The following UNK variants were observed in gnomAD, a reference collection of about 807,000 sequenced individuals.
UNK encodes RING finger protein unkempt homolog.
A neutral mutation model predicts 97.6 loss-of-function variants in UNK; 32 were observed. The ratio of observed to expected loss-of-function variants is 0.33; its 90% CI spans 0.25 to 0.44. The LOEUF is 0.44. UNK is among the 20% of genes least tolerant of loss of function. The probability of loss-of-function intolerance (pLI) is 1.00; values close to 1 mark genes in which losing one functional copy is unlikely to be tolerated. For synonymous variants in UNK, 441 were observed against 461.2 expected (o/e 0.96, Z 0.56); for missense variants, 771 against 1,098.4 (o/e 0.70, Z 4.21).
At chr17:75,785,203 G>T in intron 1 of UNK, 3 of 506,188 alleles carry the variant, frequency 5.9e-6, no homozygotes, top group Non-Finnish European at 3.4e-6. Flanking sequence ...GGTCCCGGCC[G>T]CCGAGTGGGG....
In UNK at chr17:75,819,336, G is replaced by A. The variant is rs1295974641; in HGVS notation, c.1547-348G>A. 1 of 344,284 alleles carries A rather than the reference G, an allele frequency of 2.9e-6. No individual in the cohort carries two copies. Among genetic ancestry groups the A allele is most frequent in the African/African-American group, 2.1e-5 (1 of 47,250 alleles). 21.3% of individuals were successfully genotyped at this position (344,284 alleles called of 1,614,324 possible). ...CTATACACCAGCCACTGAGTGCCCAGAGACCCGCCCACCCCCACTGATCCC... is the reference window on the plus strand; with the variant it reads ...CTATACACCAGCCACTGAGTGCCCAAAGACCCGCCCACCCCCACTGATCCC... On this transcript the variant is annotated intron_variant, in intron 11 of 15. Transcript: ENST00000589666. This position sits in a 1 kb window ranked among gnomAD's most constrained non-coding sequence, Gnocchi z 5.4.
In UNK at chr17:75,818,912, C is replaced by T; in HGVS notation, c.1546+96C>T. On this transcript the variant is annotated intron_variant, in intron 11 of 15. Transcript: ENST00000589666. This position sits in a 1 kb window ranked among gnomAD's most constrained non-coding sequence, Gnocchi z 5.1. The stretch of plus-strand genomic sequence containing the variant: ...GAGTCTCAAATCAGCACACCAGACC[C>T]CTTAGACATCTGTCTTCGGAAAATC... The T allele has an allele frequency of 7.4e-7, 1 of 1,351,668 alleles. No individual in the cohort carries two copies. Among genetic ancestry groups the T allele is most frequent in the Non-Finnish European group, 9.8e-7 (1 of 1,022,254 alleles). The allele number at this position is 1,351,668 out of a possible 1,614,324, so 83.7% of individuals were successfully genotyped here. A position where few individuals can be genotyped will look rare whatever the true frequency, so the allele number is the denominator to read the frequency against.
chr17:75,791,242 G>A (rs1365330600), intron 1 of UNK, among the ~76,000 whole-genome samples: 1 of 152,126 alleles, frequency 6.6e-6, no homozygotes, highest in East Asian at 1.9e-4. Flanking sequence ...TTTAAATTTA[G>A]GACTGGTTTC....
intron 14 of UNK, 36 bp from the exon 15 acceptor site, chr17:75,823,229 G>A (rs2062085248): frequency 1.9e-6 from 3 of 1,558,312 alleles, no homozygotes; most frequent in African/African-American, 1.4e-5. Context: ...GGGCAGGGCA[G>A]GGCCATTGTG....
intron 2 of UNK, among the ~76,000 whole-genome samples, chr17:75,811,017 A>G (rs2061964397): frequency 6.6e-6 from 1 of 151,096 alleles, no homozygotes; most frequent in African/African-American, 2.4e-5. Context: ...TGGCACTTCC[A>G]TGTCGGCTCA....
chr17:75,823,706 A>G (rs1167141086), intron 15 of UNK, among the ~76,000 whole-genome samples, 184 bp downstream of exon 15: 1 of 152,152 alleles, frequency 6.6e-6, no homozygotes, highest in Non-Finnish European at 1.5e-5. Flanking sequence ...GGGGAAGGTG[A>G]AAAGGCTGGG....
chr17:75,784,863 A>C lies in UNK; in HGVS notation c.-18A>C, dbSNP rs374237499. On this transcript the variant is annotated 5_prime_UTR_variant, in exon 1 of 16. Coordinates refer to ENST00000589666, the MANE Select transcript of UNK (RefSeq NM_001080419.3). The stretch of plus-strand genomic sequence containing the variant: ...GAATAATAAAAGGGGAGCGGCGAAG[A>C]GGCAGGAAGACAAGACCATGTCGAA... 1 of 1,602,720 alleles carries C rather than the reference A, an allele frequency of 6.2e-7. No homozygotes were observed. Among genetic ancestry groups the C allele is most frequent in the African/African-American group, 1.3e-5 (1 of 74,558 alleles).
chr17:75,818,010 C>T lies in UNK; in HGVS notation c.1306-93C>T. 7.8e-7 allele frequency: 1 copy of T among 1,286,980 alleles called. No homozygotes were observed. Among genetic ancestry groups the T allele is most frequent in the South Asian group, 1.2e-5 (1 of 82,662 alleles). 79.7% of individuals were successfully genotyped at this position (1,286,980 alleles called of 1,614,324 possible). A position where few individuals can be genotyped will look rare whatever the true frequency, so the allele number is the denominator to read the frequency against. On this transcript the variant is annotated intron_variant, in intron 9 of 15. Transcript: ENST00000589666. This position sits in a 1 kb window ranked among gnomAD's most constrained non-coding sequence, Gnocchi z 5.1. ...TGAAGAGGGGTTGCATGTCTGCCAC[C>T]ACCTGCCCCCTGGTACCTGCAGCCT...
At chr17:75,809,099 C>G (rs1012179635) in intron 1 of UNK, 2 of 820 alleles carry the variant, frequency 2.4e-3, no homozygotes, top group Non-Finnish European at 3.1e-3. Context: ...GGGGCGGGGG[C>G]GGGGGCGGGG....
chr17:75,822,971 C>T (rs1170847603), intron 14 of UNK, among the ~76,000 whole-genome samples: 1 of 152,170 alleles, frequency 6.6e-6, no homozygotes, highest in Admixed American at 6.5e-5. Context: ...TGAAATGGGC[C>T]CCCTGTCCAG....
chr17:75,786,630 G>A (rs1035609153), intron 1 of UNK, among the ~76,000 whole-genome samples: 1 of 152,108 alleles, frequency 6.6e-6, no homozygotes, highest in African/African-American at 2.4e-5. Context: ...AGGCCGAGGC[G>A]GATCGCATGA....
At chr17:75,807,057 A>G (rs1161337038) in intron 1 of UNK, among the ~76,000 whole-genome samples, 1 of 152,178 alleles carries the variant, frequency 6.6e-6, no homozygotes, top group Non-Finnish European at 1.5e-5. Context: ...CAGCAGGCTC[A>G]CCAGGTCTAG....
intron 4 of UNK, 60 bp downstream of exon 4, chr17:75,812,645 G>T: frequency 6.4e-7 from 1 of 1,567,746 alleles, no homozygotes; most frequent in South Asian, 1.2e-5. Flanking sequence ...GCTGCCCTGG[G>T]GATTTGGCTC....
intron 1 of UNK, among the ~76,000 whole-genome samples, chr17:75,804,186 G>T (rs1421853030): frequency 6.6e-6 from 1 of 152,238 alleles, no homozygotes; most frequent in African/African-American, 2.4e-5. Flanking sequence ...GGGCGTGGTG[G>T]CTTATGCCTA....
intron 1 of UNK, chr17:75,785,482 T>A: frequency 6.5e-6 from 1 of 153,204 alleles, no homozygotes. Flanking sequence ...GGGCCACACT[T>A]GCTTGAATTC....
rs186299610 is a variant in UNK at position 75,814,111 on chromosome 17, C to T, written c.876+233C>T. 3.3e-5 allele frequency among the ~76,000 whole-genome samples: 5 copies of T among 152,298 alleles called. No homozygotes were observed. In the East Asian group the frequency reaches 9.6e-4, roughly 29 times the overall value. ...CCTCTGCTTCCAGTTCTGTGTCCCC[C>T]AGGCCTCCTGACAGGGCAGGTGTAG... On this transcript the variant is annotated intron_variant, in intron 6 of 15. Coordinates refer to ENST00000589666, the MANE Select transcript of UNK (RefSeq NM_001080419.3).
Position 75,816,653 on chromosome 17 carries a change from G to C in UNK, c.962-117G>C. 1 of 1,307,124 alleles carries C rather than the reference G, an allele frequency of 7.7e-7. No homozygotes were observed. Among genetic ancestry groups the C allele is most frequent in the Non-Finnish European group, 1.0e-6 (1 of 981,682 alleles). 81.0% of individuals were successfully genotyped at this position (1,307,124 alleles called of 1,614,324 possible). A position where few individuals can be genotyped will look rare whatever the true frequency, so the allele number is the denominator to read the frequency against. On this transcript the variant is annotated intron_variant, in intron 7 of 15. Transcript: ENST00000589666. This position sits in a 1 kb window ranked among gnomAD's most constrained non-coding sequence, Gnocchi z 4.0. ...ACATGGTGTTACTAGAGATGTCGTA[G>C]GAACCTTCCCTTTATGTGCAGGGGG...
chr17:75,817,717 AGGCTGCATAGCCTCCCCTG>A lies in UNK; in HGVS notation c.1305+199_1305+217del, dbSNP rs572387922. Reference sequence around the variant, plus strand: ...GCAGCTGAAGACAGGAAGGCTGGGGAGGCTGCATAGCCTCCCCTGGGCTGCAGAGCTGGTTAGGAGAGGA... The same window carrying A: ...GCAGCTGAAGACAGGAAGGCTGGGGAGGCTGCAGAGCTGGTTAGGAGAGGA... On this transcript the variant is annotated intron_variant, in intron 9 of 15. Coordinates refer to ENST00000589666, the MANE Select transcript of UNK (RefSeq NM_001080419.3). This position sits in a 1 kb window ranked among gnomAD's most constrained non-coding sequence, Gnocchi z 5.8. 1.4e-4 allele frequency among the ~76,000 whole-genome samples: 21 copies of A among 152,232 alleles called. No homozygotes were observed. The highest frequency in any genetic ancestry group is 4.6e-4 in the African/African-American group (19 of 41,546).
At chr17:75,798,102 C>G (rs1420134569) in intron 1 of UNK, among the ~76,000 whole-genome samples, 1 of 146,392 alleles carries the variant, frequency 6.8e-6, no homozygotes, top group African/African-American at 2.6e-5. Flanking sequence ...CAGAGTCTTG[C>G]TCTTGTCACC....
Sources: gnomAD v4.1 joint callset for allele counts (sites outside exome capture counted in the v4.1 genomes callset) on GRCh38, gnomAD v4.1.1 for gene constraint, Gnocchi (gnomAD v3.1) non-coding constraint, MANE v1.5 for transcripts, NCBI Gene and HGNC (gene_info 2026-07-23, HGNC 2026-07-21) for gene names.